The following CHCHD3 variants were observed in gnomAD, a reference collection of about 807,000 sequenced individuals.
The protein encoded by CHCHD3 is coiled-coil-helix-coiled-coil-helix domain containing 3, also known as MICOS complex subunit MIC19.
A neutral mutation model predicts 38.2 loss-of-function variants in CHCHD3; 20 were observed. The observed-to-expected ratio is 0.52, with a 90% CI of 0.37 to 0.76. The LOEUF is 0.76. CHCHD3 is among the 30% of genes least tolerant of loss of function. The probability of loss-of-function intolerance (pLI) is 0.00; values close to 1 mark genes in which losing one functional copy is unlikely to be tolerated. For synonymous variants in CHCHD3, 82 were observed against 100.0 expected (o/e 0.82, Z 1.07); for missense variants, 245 against 279.2 (o/e 0.88, Z 0.87).
intron 3 of CHCHD3, among the ~76,000 whole-genome samples, chr7:133,000,977 G>A (rs1812555294): frequency 6.6e-6 from 1 of 152,148 alleles, no homozygotes. Flanking sequence ...AAGCAATACA[G>A]AGGTACATGT....
chr7:132,954,829 T>A (rs1381765016), intron 4 of CHCHD3, among the ~76,000 whole-genome samples: 1 of 152,120 alleles, frequency 6.6e-6, no homozygotes, highest in African/African-American at 2.4e-5. Context: ...CCATACAGCT[T>A]GCCCTGACGG....
intron 2 of CHCHD3, among the ~76,000 whole-genome samples, chr7:133,030,068 T>A (rs1813458327): frequency 6.7e-6 from 1 of 148,372 alleles, no homozygotes; most frequent in Non-Finnish European, 1.5e-5. Context: ...ACTGAAAAAG[T>A]AATTACCTTA....
chr7:133,017,717 T>C (rs1813067571), intron 3 of CHCHD3, among the ~76,000 whole-genome samples: 1 of 152,174 alleles, frequency 6.6e-6, no homozygotes. Flanking sequence ...TATTAACATG[T>C]AAAAATATCT....
intron 3 of CHCHD3, among the ~76,000 whole-genome samples, chr7:133,005,373 C>G (rs60141001): frequency 0.11 from 16,571 of 152,184 alleles, 1,264 homozygotes; most frequent in East Asian, 0.32. Context: ...ACCTATGCAT[C>G]TCTTATTAGT....
At chr7:132,959,512 C>CA (rs1243848964) in intron 4 of CHCHD3, among the ~76,000 whole-genome samples, 2 of 152,044 alleles carry the variant, frequency 1.3e-5, no homozygotes, top group Non-Finnish European at 2.9e-5. Flanking sequence ...CATTTGAGGT[C>CA]AGGAGTTCAA....
chr7:132,811,744 C>T (rs984088915), intron 6 of CHCHD3, among the ~76,000 whole-genome samples: 22 of 152,198 alleles, frequency 1.4e-4, no homozygotes, highest in African/African-American at 5.3e-4. Context: ...CATAATACTA[C>T]ACTCTCCTGT....
At chr7:132,974,299 A>G (rs2042068) in intron 4 of CHCHD3, among the ~76,000 whole-genome samples, 67,675 of 151,986 alleles carry the variant, frequency 0.45, 15,333 homozygotes, top group East Asian at 0.55. Context: ...TCTGTCTGTT[A>G]GTAATACTTT....
intron 4 of CHCHD3, among the ~76,000 whole-genome samples, chr7:132,896,074 G>A (rs540837716): frequency 6.6e-6 from 1 of 152,166 alleles, no homozygotes; most frequent in South Asian, 2.1e-4. Flanking sequence ...GTCTGCTTGT[G>A]TTATCTATCA....
chr7:132,930,448 C>G (rs1363681877), intron 4 of CHCHD3, among the ~76,000 whole-genome samples: 1 of 152,144 alleles, frequency 6.6e-6, no homozygotes, highest in Non-Finnish European at 1.5e-5. Flanking sequence ...GGATTACAGG[C>G]GTGAGCCACT....
chr7:132,953,177 G>A (rs914109121), intron 4 of CHCHD3, among the ~76,000 whole-genome samples: 3 of 152,182 alleles, frequency 2.0e-5, no homozygotes, highest in Non-Finnish European at 4.4e-5. Context: ...GTAACTTTCC[G>A]CGGCCTTACT....
At chr7:132,827,777 G>C (rs1010738633) in intron 6 of CHCHD3, among the ~76,000 whole-genome samples, 4 of 152,302 alleles carry the variant, frequency 2.6e-5, no homozygotes, top group African/African-American at 9.6e-5. Context: ...CACATAGGAA[G>C]TACTGTTTTG....
At chr7:133,067,443 T>C (rs1814702001) in intron 2 of CHCHD3, among the ~76,000 whole-genome samples, 2 of 152,202 alleles carry the variant, frequency 1.3e-5, no homozygotes, top group Non-Finnish European at 2.9e-5. Context: ...CATAAGTACT[T>C]ACAAAGTTAC....
At chr7:132,963,662 TCTACCTTTAC>T (rs1323729682) in intron 4 of CHCHD3, among the ~76,000 whole-genome samples, 4 of 148,404 alleles carry the variant, frequency 2.7e-5, no homozygotes, top group Non-Finnish European at 4.4e-5. Flanking sequence ...TCCTAGTGTC[TCTACCTTTAC>T]CCTATGCAAC....
At chr7:133,050,217 T>C (rs28608192) in intron 2 of CHCHD3, among the ~76,000 whole-genome samples, 7,734 of 151,550 alleles carry the variant, frequency 0.051, 603 homozygotes, top group African/African-American at 0.17. Flanking sequence ...GTGCTGCATG[T>C]CTGTAATCCC....
At chr7:132,939,159 T>TGGAATG (rs1810702444) in intron 4 of CHCHD3, among the ~76,000 whole-genome samples, 1 of 152,136 alleles carries the variant, frequency 6.6e-6, no homozygotes, top group South Asian at 2.1e-4. Context: ...ACATTTCCTA[T>TGGAATG]CACACAGTAA....
intron 4 of CHCHD3, among the ~76,000 whole-genome samples, chr7:132,911,988 T>TA (rs1397445304): frequency 2.0e-5 from 3 of 152,216 alleles, no homozygotes; most frequent in Non-Finnish European, 4.4e-5. Context: ...TAGGTTCCCT[T>TA]ACCTTTGCAA....
At chr7:133,009,429 A>C (rs1430996580) in intron 3 of CHCHD3, among the ~76,000 whole-genome samples, 1 of 151,032 alleles carries the variant, frequency 6.6e-6, no homozygotes, top group Non-Finnish European at 1.5e-5. Flanking sequence ...CATCCCAGGA[A>C]GCTCTGGGCT....
intron 4 of CHCHD3, among the ~76,000 whole-genome samples, chr7:132,969,437 A>G (rs1811555299): frequency 6.6e-6 from 1 of 152,144 alleles, no homozygotes; most frequent in Non-Finnish European, 1.5e-5. Context: ...TGAACAAACA[A>G]CTGGTGCAGT....
At chr7:133,016,399 G>A (rs1176785327) in intron 3 of CHCHD3, among the ~76,000 whole-genome samples, 1 of 152,200 alleles carries the variant, frequency 6.6e-6, no homozygotes, top group African/African-American at 2.4e-5. Context: ...CATGTTCTAT[G>A]TATGTGTCTG....
Sources: gnomAD v4.1 joint callset for allele counts (sites outside exome capture counted in the v4.1 genomes callset) on GRCh38, gnomAD v4.1.1 for gene constraint, MANE v1.5 for transcripts, NCBI Gene and HGNC (gene_info 2026-07-23, HGNC 2026-07-21) for gene names.